Variants in PDS5B observed in about 807,000 individuals in gnomAD.
PDS5B encodes the protein PDS5 cohesin associated factor B.
In PDS5B, 51 loss-of-function variants were observed where a neutral mutation model predicts 184.1. The observed-to-expected ratio is 0.28, with a 90% CI of 0.22 to 0.35. The LOEUF is 0.35. Ranked by LOEUF, PDS5B falls within the 10% of genes least tolerant of loss-of-function variation. The probability of loss-of-function intolerance (pLI) is 1.00; values close to 1 mark genes in which losing one functional copy is unlikely to be tolerated. For synonymous variants in PDS5B, 566 were observed against 569.2 expected (o/e 0.99, Z 0.08); for missense variants, 1,180 against 1,723.3 (o/e 0.68, Z 5.58).
chr13:32,703,240 G>A (rs1951914427), intron 17 of PDS5B, among the ~76,000 whole-genome samples: 1 of 152,094 alleles, frequency 6.6e-6, no homozygotes, highest in Non-Finnish European at 1.5e-5. Flanking sequence ...AAAGATCATA[G>A]ACAGAACTTT....
chr13:32,698,156 A>G (rs1024220813), intron 15 of PDS5B, among the ~76,000 whole-genome samples: 2 of 152,128 alleles, frequency 1.3e-5, no homozygotes, highest in Non-Finnish European at 2.9e-5. Context: ...TTGTGAGAAA[A>G]AGGGGTTTCA....
intron 1 of PDS5B, among the ~76,000 whole-genome samples, chr13:32,603,030 C>T (rs208422): frequency 0.25 from 38,671 of 151,988 alleles, 5,210 homozygotes; most frequent in Admixed American, 0.38. Flanking sequence ...AAAACTTTCT[C>T]CCATTCTGTA....
chr13:32,659,822 T>A (rs1386659162), intron 6 of PDS5B, among the ~76,000 whole-genome samples: 1 of 152,060 alleles, frequency 6.6e-6, no homozygotes, highest in Non-Finnish European at 1.5e-5. Context: ...TTAGAAGGGG[T>A]TTGGGTTAAG....
chr13:32,615,784 T>C (rs146378523), intron 1 of PDS5B, among the ~76,000 whole-genome samples: 18 of 152,320 alleles, frequency 1.2e-4, no homozygotes, highest in African/African-American at 3.4e-4. Context: ...GCTGGAAATA[T>C]AAATCATAGA....
chr13:32,692,630 A>G (rs1042514200), intron 13 of PDS5B, among the ~76,000 whole-genome samples: 6 of 151,784 alleles, frequency 4.0e-5, no homozygotes, highest in Non-Finnish European at 8.8e-5. Context: ...AATGTCAGGT[A>G]ACAAATATAA....
chr13:32,685,461 T>C (rs757522606), intron 11 of PDS5B, among the ~76,000 whole-genome samples: 3 of 152,198 alleles, frequency 2.0e-5, no homozygotes, highest in Non-Finnish European at 4.4e-5. Context: ...TTGATCATCA[T>C]GTTATATTGT....
At chr13:32,741,846 A>G (rs1284197205) in intron 22 of PDS5B, among the ~76,000 whole-genome samples, 4 of 151,954 alleles carry the variant, frequency 2.6e-5, no homozygotes, top group South Asian at 2.1e-4. Flanking sequence ...CTTTACATCA[A>G]TGAATGATGC....
intron 14 of PDS5B, among the ~76,000 whole-genome samples, chr13:32,695,282 A>G (rs1476026670): frequency 6.6e-6 from 1 of 151,918 alleles, no homozygotes; most frequent in African/African-American, 2.4e-5. Flanking sequence ...TGTTTTATTG[A>G]ACATAACCTT....
At chr13:32,694,105 TTCATCTCATCTCTGTCA>T in intron 13 of PDS5B, 101 bp from the exon 14 acceptor site, 1 of 671,314 alleles carries the variant, frequency 1.5e-6, no homozygotes, top group Non-Finnish European at 2.5e-6. Flanking sequence ...TCCTGTGAAT[TTCATCTCATCTCTGTCA>T]TCTCCTTTTA....
At chr13:32,761,922 A>G (rs1400824359) in intron 30 of PDS5B, among the ~76,000 whole-genome samples, 1 of 152,216 alleles carries the variant, frequency 6.6e-6, no homozygotes, top group South Asian at 2.1e-4. Context: ...CATTCCCACC[A>G]ACAACATATA....
At chr13:32,754,154 G>A (rs953962704) in intron 25 of PDS5B, among the ~76,000 whole-genome samples, 1 of 151,986 alleles carries the variant, frequency 6.6e-6, no homozygotes, top group Non-Finnish European at 1.5e-5. Flanking sequence ...TTTTCACTTG[G>A]ATTGTTGTAT....
At chr13:32,721,735 G>T (rs536209860) in intron 19 of PDS5B, among the ~76,000 whole-genome samples, 9 of 152,036 alleles carry the variant, frequency 5.9e-5, no homozygotes, top group African/African-American at 2.2e-4. Context: ...CGGCCGGGAA[G>T]AGGCGCTCCT....
chr13:32,773,810 T>C (rs1464214855), intron 34 of PDS5B, among the ~76,000 whole-genome samples: 7 of 152,250 alleles, frequency 4.6e-5, no homozygotes, highest in African/African-American at 1.4e-4. Context: ...TTCCTGACTT[T>C]TTTGTTTTTG....
intron 6 of PDS5B, among the ~76,000 whole-genome samples, chr13:32,663,740 T>C (rs1950712867): frequency 6.6e-6 from 1 of 152,192 alleles, no homozygotes; most frequent in Non-Finnish European, 1.5e-5. Flanking sequence ...TTCAGTAGCT[T>C]TTGGGGTACA....
chr13:32,652,993 C>T (rs948955502), intron 3 of PDS5B, among the ~76,000 whole-genome samples: 2 of 152,048 alleles, frequency 1.3e-5, no homozygotes, highest in Non-Finnish European at 2.9e-5. Context: ...GAATTAAAAA[C>T]AGCAACAATA....
At chr13:32,619,124 C>A (rs952136393) in intron 1 of PDS5B, among the ~76,000 whole-genome samples, 3 of 151,672 alleles carry the variant, frequency 2.0e-5, no homozygotes, top group African/African-American at 7.3e-5. Context: ...TGGCTGTTTG[C>A]ATGTCTAAAT....
intron 9 of PDS5B, among the ~76,000 whole-genome samples, chr13:32,677,006 G>C (rs1190254171): frequency 6.7e-6 from 1 of 150,236 alleles, no homozygotes; most frequent in Non-Finnish European, 1.5e-5. Context: ...ATTTGCAATG[G>C]TATGACCACT....
rs894121134 is a variant in PDS5B, at chr13:32,645,977, T to TGTGTGTGG, written c.-19-2760_-19-2753dup. Among the ~76,000 whole-genome samples the TGTGTGTGG allele has an allele frequency of 1.4e-4, 20 of 140,116 alleles. 1 individual carries two copies. Among genetic ancestry groups the TGTGTGTGG allele is most frequent in the South Asian group, 6.7e-4 (3 of 4,496 alleles). 91.9% of individuals were successfully genotyped at this position (140,116 alleles called of 152,430 possible). A position where few individuals can be genotyped will look rare whatever the true frequency, so the allele number is the denominator to read the frequency against. ...GTCTGGCTTCTTTCACTTTGATGTGTGTGTGTGGGTGTGTGGGTGTGTGGT... is the reference window on the plus strand; with the variant it reads ...GTCTGGCTTCTTTCACTTTGATGTGTGTGTGTGGGTGTGTGGGTGTGTGGGTGTGTGGT... On this transcript the variant is annotated intron_variant, in intron 1 of 34. Coordinates refer to ENST00000315596, the MANE Select transcript of PDS5B (RefSeq NM_015032.4).
chr13:32,774,719 T>C (rs1329426113), intron 34 of PDS5B, among the ~76,000 whole-genome samples: 1 of 152,234 alleles, frequency 6.6e-6, no homozygotes, highest in African/African-American at 2.4e-5. Flanking sequence ...GTTTGAGTTA[T>C]TTTTCTTGCT....
Sources: gnomAD v4.1 joint callset for allele counts (sites outside exome capture counted in the v4.1 genomes callset) on GRCh38, gnomAD v4.1.1 for gene constraint, MANE v1.5 for transcripts, NCBI Gene and HGNC (gene_info 2026-07-23, HGNC 2026-07-21) for gene names.